LRRIQ1: variants seen among roughly 807,000 people sequenced by gnomAD.
LRRIQ1 encodes leucine-rich repeat- and IQ domain-containing protein 1.
LRRIQ1 carries 210 observed loss-of-function variants against 211.9 expected under a neutral mutation model. The ratio of observed to expected loss-of-function variants is 0.99; its 90% CI spans 0.89 to 1.11. The LOEUF is 1.11. Among genes scored for constraint, LRRIQ1 ranks in the 50% most tolerant of loss-of-function variants. LRRIQ1 has a pLI of 0.00. For missense variants in LRRIQ1, 2,136 were observed against 1,939.5 expected, an observed-to-expected ratio of 1.10 and a Z score of -1.90; for synonymous variants, 699 against 650.1, an observed-to-expected ratio of 1.08 and a Z score of -1.14.
chr12:85,163,789 T>C (rs1253492761), intron 24 of LRRIQ1, among the ~76,000 whole-genome samples: 1 of 152,122 alleles, frequency 6.6e-6, no homozygotes, highest in Non-Finnish European at 1.5e-5. Context: ...GGTAAAATAT[T>C]ATACCATTTT....
At chr12:85,104,666 T>C (rs2136312890) in intron 14 of LRRIQ1, among the ~76,000 whole-genome samples, 1 of 152,126 alleles carries the variant, frequency 6.6e-6, no homozygotes, top group Middle Eastern at 3.4e-3. Context: ...GATATATGAA[T>C]ATATCACAGT....
chr12:85,041,137 AT>A (rs1878834931), intron 3 of LRRIQ1, among the ~76,000 whole-genome samples: 1 of 151,756 alleles, frequency 6.6e-6, no homozygotes. Flanking sequence ...ATTTTTAAAA[AT>A]GACAGACAAA....
At chr12:85,178,723 A>G (rs1891835480) in intron 24 of LRRIQ1, among the ~76,000 whole-genome samples, 1 of 151,732 alleles carries the variant, frequency 6.6e-6, no homozygotes, top group African/African-American at 2.4e-5. Flanking sequence ...TATCTTCTCC[A>G]TCTATTCCTG....
rs563100208 is a variant in LRRIQ1, at chr12:85,088,757, A to G, written c.2888-9598A>G. Among the ~76,000 whole-genome samples the G allele has an allele frequency of 3.3e-5, 5 of 152,284 alleles. No individual in the cohort carries two copies. The South Asian group carries it at 8.3e-4, about 25-fold the overall frequency. On this transcript the variant is annotated intron_variant, in intron 11 of 26. Coordinates refer to ENST00000393217, the MANE Select transcript of LRRIQ1 (RefSeq NM_001079910.2). ...TTGGCTCTCTGTCTGTTATTGGTGT[A>G]GAGGAATGCTTGTGATTTTTGCACA... is the stretch of plus-strand genomic sequence containing the variant.
intron 8 of LRRIQ1, among the ~76,000 whole-genome samples, chr12:85,062,079 T>TG (rs1244441430): frequency 6.6e-6 from 1 of 151,870 alleles, no homozygotes; most frequent in Non-Finnish European, 1.5e-5. Context: ...GAGGAGTTAC[T>TG]GCATTCTAAA....
chr12:85,250,360 G>T (rs1303278193), intron 1 of LRRIQ1, among the ~76,000 whole-genome samples: 1 of 151,710 alleles, frequency 6.6e-6, no homozygotes, highest in African/African-American at 2.4e-5. Flanking sequence ...TTCATTTCAG[G>T]TGAAGTTTTC....
chr12:85,078,405 T>A (rs1406967197), intron 11 of LRRIQ1, among the ~76,000 whole-genome samples: 2 of 152,298 alleles, frequency 1.3e-5, no homozygotes, highest in East Asian at 3.9e-4. Flanking sequence ...TTCAAATAGC[T>A]AGTTTGGGAG....
At chr12:85,268,069 C>T (rs1896460953), downstream of LRRIQ1, among the ~76,000 whole-genome samples, 1 of 151,910 alleles carries the variant, frequency 6.6e-6, no homozygotes, top group Non-Finnish European at 1.5e-5. Flanking sequence ...ACCAAAAATA[C>T]TCTAAGCAGA....
chr12:85,087,730 C>T (rs996660966), intron 11 of LRRIQ1, among the ~76,000 whole-genome samples: 27 of 152,134 alleles, frequency 1.8e-4, no homozygotes, highest in South Asian at 1.2e-3. Flanking sequence ...CTGTTGGCTG[C>T]ATAAATGTCT....
In LRRIQ1 at chr12:85,208,848, T is replaced by G. The variant is rs1893694756; in HGVS notation, c.4823-20669T>G. ...TATCTAATGTTATAAACTTGACATTTTCTTAGGACTCACATGACCTAAAAT... is the reference window on the plus strand; with the variant it reads ...TATCTAATGTTATAAACTTGACATTGTCTTAGGACTCACATGACCTAAAAT... On this transcript the variant is annotated intron_variant, in intron 24 of 26. Coordinates refer to ENST00000393217, the MANE Select transcript of LRRIQ1 (RefSeq NM_001079910.2). 2.0e-5 allele frequency among the ~76,000 whole-genome samples: 3 copies of G among 152,148 alleles called. No homozygotes were observed. In the South Asian group the frequency reaches 6.2e-4, roughly 32 times the overall value.
At chr12:85,242,949 A>C (rs1462139662) in intron 26 of LRRIQ1, among the ~76,000 whole-genome samples, 1 of 151,838 alleles carries the variant, frequency 6.6e-6, no homozygotes, top group East Asian at 1.9e-4. Flanking sequence ...TTTATTTACA[A>C]ATATTTTCTT....
chr12:85,056,557 AGAAG>A lies in LRRIQ1; in HGVS notation c.1765_1768del (p.Glu589ArgfsTer16). 6.2e-7 allele frequency: 1 copy of A among 1,605,926 alleles called. No individual in the cohort carries two copies. The highest frequency in any genetic ancestry group is 8.5e-7 in the Non-Finnish European group (1 of 1,176,122). On this transcript the variant is annotated frameshift_variant, in exon 8 of 27. Transcript: ENST00000393217. LOFTEE classifies it high-confidence loss of function. ...AGAAAAAGATACAAAAAGTAGAAAA[AGAAG>A]AGATACAAGAACAGAATGGATTATT...
At position 85,038,166 on chromosome 12, in the gene LRRIQ1, T is replaced by G. The variant is rs1326906244; in HGVS notation, c.-11T>G. On this transcript the variant is annotated 5_prime_UTR_variant, in exon 2 of 27. The change creates a new upstream start codon in the 5' untranslated region. Coordinates refer to ENST00000393217, the MANE Select transcript of LRRIQ1 (RefSeq NM_001079910.2). ...TTTTTAAAGCAGTTCTGTGCTTTATTATGAAGAATAATGGACGATGATGAT... is the reference window on the plus strand; with the variant it reads ...TTTTTAAAGCAGTTCTGTGCTTTATGATGAAGAATAATGGACGATGATGAT... 1.3e-6 allele frequency: 2 copies of G among 1,519,454 alleles called. No individual in the cohort carries two copies. The highest frequency in any genetic ancestry group is 1.3e-5 in the South Asian group (1 of 75,630). The allele number at this position is 1,519,454 out of a possible 1,614,324, so 94.1% of individuals were successfully genotyped here. A position where few individuals can be genotyped will look rare whatever the true frequency, so the allele number is the denominator to read the frequency against.
At chr12:85,064,048 T>G (rs1313635456) in intron 8 of LRRIQ1, among the ~76,000 whole-genome samples, 2 of 151,852 alleles carry the variant, frequency 1.3e-5, no homozygotes, top group African/African-American at 4.8e-5. Context: ...TTCGGCTATA[T>G]ACCTAGCAGC....
intron 24 of LRRIQ1, among the ~76,000 whole-genome samples, chr12:85,169,994 T>C (rs1891331203): frequency 6.6e-6 from 1 of 152,122 alleles, no homozygotes; most frequent in South Asian, 2.1e-4. Context: ...ATACAAGGTT[T>C]GAAATAAATT....
chr12:85,149,020 G>A (rs954643493), intron 19 of LRRIQ1, among the ~76,000 whole-genome samples: 2 of 151,898 alleles, frequency 1.3e-5, no homozygotes, highest in African/African-American at 4.8e-5. Context: ...TTGTAAATTT[G>A]TTTGAGTTCC....
chr12:85,183,111 A>G (rs549065616), intron 24 of LRRIQ1, among the ~76,000 whole-genome samples: 1 of 152,292 alleles, frequency 6.6e-6, no homozygotes, highest in Admixed American at 6.5e-5. Flanking sequence ...CTGTCCATCA[A>G]TGACAGGATT....
intron 19 of LRRIQ1, among the ~76,000 whole-genome samples, chr12:85,151,491 CT>C (rs572472131): frequency 1.0e-3 from 157 of 151,608 alleles, no homozygotes; most frequent in African/African-American, 3.5e-3. Flanking sequence ...TTCTAAGCAT[CT>C]TTTTTCCCCC....
chr12:85,118,178 A>G (rs951041067), intron 15 of LRRIQ1, among the ~76,000 whole-genome samples: 5 of 152,242 alleles, frequency 3.3e-5, no homozygotes, highest in Admixed American at 6.5e-5. Context: ...AACACGATGT[A>G]TGTTATTTAT....
Sources: gnomAD v4.1 joint callset for allele counts (sites outside exome capture counted in the v4.1 genomes callset) on GRCh38, gnomAD v4.1.1 for gene constraint, MANE v1.5 for transcripts, NCBI Gene and HGNC (gene_info 2026-07-23, HGNC 2026-07-21) for gene names.